SIRT1: variants seen among roughly 807,000 people sequenced by gnomAD.
The protein encoded by SIRT1 is sirtuin 1.
A neutral mutation model predicts 67.9 loss-of-function variants in SIRT1; 24 were observed. That is an observed-to-expected ratio of 0.35 (90% CI 0.26 to 0.50). SIRT1 has a LOEUF of 0.50. Ranked by LOEUF, SIRT1 falls within the 20% of genes least tolerant of loss-of-function variation. The pLI, the probability that SIRT1 is intolerant of heterozygous loss-of-function variation, is 0.98. For missense variants in SIRT1, 873 were observed against 937.2 expected (o/e 0.93, Z 0.89); for synonymous variants, 378 against 350.7 (o/e 1.08, Z -0.87).
intron 4 of SIRT1, among the ~76,000 whole-genome samples, chr10:67,900,905 T>C (rs1351430615): frequency 1.3e-5 from 2 of 152,226 alleles, no homozygotes; most frequent in Non-Finnish European, 2.9e-5. Context: ...CTTTCAAATT[T>C]TATTTTTATG....
chr10:67,903,708 G>A (rs1260977898), intron 4 of SIRT1, among the ~76,000 whole-genome samples: 2 of 152,156 alleles, frequency 1.3e-5, no homozygotes, highest in Non-Finnish European at 2.9e-5. Context: ...ATAGTTCTAA[G>A]CTTTAGTTTT....
chr10:67,916,555 G>A lies in SIRT1; in HGVS notation c.2206G>A (p.Glu736Lys), dbSNP rs1564896279. 6.2e-7 allele frequency: 1 copy of A among 1,613,910 alleles called. No homozygotes were observed. The highest frequency in any genetic ancestry group is 1.7e-5 in the Admixed American group (1 of 60,006). Residue 736 changes from glutamate to lysine, a missense_variant, in exon 9 of 9, where the codon GAA (glutamate) becomes AAA (lysine). Glu to Lys is a moderately conservative substitution (Grantham distance 56, BLOSUM62 1). Around this residue, in one of 3 missense-constraint regions of SIRT1, gnomAD observed 295 missense variants for 294.5 expected, o/e 1.00. Coordinates refer to ENST00000212015, the MANE Select transcript of SIRT1 (RefSeq NM_012238.5). ...AINEAISVKQ[E>K]VTDMNYPSNK... ...TAATGAAGCTATATCTGTGAAACAG[G>A]AAGTAACAGACATGAACTATCCATC...
At chr10:67,908,791 G>C (rs1001468335) in intron 6 of SIRT1, among the ~76,000 whole-genome samples, 1 of 152,116 alleles carries the variant, frequency 6.6e-6, no homozygotes, top group Non-Finnish European at 1.5e-5. Context: ...AATCTCAGCT[G>C]CTTGGGAGGC....
intron 4 of SIRT1, among the ~76,000 whole-genome samples, chr10:67,897,397 C>G (rs1842675228): frequency 6.6e-6 from 1 of 151,382 alleles, no homozygotes; most frequent in South Asian, 2.1e-4. Flanking sequence ...CAAGCAATCT[C>G]CTGCCTTAGC....
chr10:67,906,199 C>A (rs756328442), intron 4 of SIRT1: 87 of 1,447,136 alleles, frequency 6.0e-5, no homozygotes, highest in Admixed American at 1.9e-4. Context: ...GGGGGAAAAA[C>A]ACACACACAA....
rs1471141881 is a variant in SIRT1 at position 67,889,100 on chromosome 10, A to G, written c.766A>G (p.Ile256Val). 1 of 1,603,362 alleles carries G rather than the reference A, an allele frequency of 6.2e-7. No individual in the cohort carries two copies. Among genetic ancestry groups the G allele is most frequent in the East Asian group, 2.2e-5 (1 of 44,842 alleles). The change falls in exon 3 of 9, where the codon ATT becomes GTT. Residue 256 changes from isoleucine (I) to valine (V), a missense_variant. Ile to Val is a conservative substitution (Grantham distance 29, BLOSUM62 3). Around this residue, in one of 3 missense-constraint regions of SIRT1, gnomAD observed 251 missense variants for 358.8 expected, o/e 0.70. Transcript: ENST00000212015. ...GAAATTACTGCAAGAGTGCAAAAAAATTATAGTTCTAACTGGAGCTGGGGT... is the reference window on the plus strand; with the variant it reads ...GAAATTACTGCAAGAGTGCAAAAAAGTTATAGTTCTAACTGGAGCTGGGGT... The part of the protein sequence containing the change: ...AVKLLQECKK[I>V]IVLTGAGVSV...
chr10:67,911,190 A>G (rs1842893851), intron 7 of SIRT1, among the ~76,000 whole-genome samples: 1 of 152,152 alleles, frequency 6.6e-6, no homozygotes, highest in Admixed American at 6.5e-5. Context: ...ACTCTGCTTA[A>G]AAGCTTTTCT....
At chr10:67,891,655 G>A (rs2131852896) in intron 4 of SIRT1, 101 bp downstream of exon 4, 1 of 1,171,096 alleles carries the variant, frequency 8.5e-7, no homozygotes, top group South Asian at 1.5e-5. Flanking sequence ...GTTTAGTAAA[G>A]TGAATGCTGC....
At position 67,906,807 on chromosome 10, in the gene SIRT1, A is replaced by G. The variant is rs368608253; in HGVS notation, c.960A>G (p.Gln320=). ...FKFAKEIYPG[Q]FQPSLCHKFI... is the part of the protein sequence containing the mutation. ...TGATACAGGAAATATATCCTGGACA[A>G]TTCCAGCCATCTCTCTGTCACAAAT... Residue 320 remains glutamine (Q), a synonymous_variant, in exon 5 of 9, where the codon CAA becomes CAG. Transcript: ENST00000212015. The G allele has an allele frequency of 7.4e-6, 12 of 1,612,572 alleles. No homozygotes were observed. The highest frequency in any genetic ancestry group is 5.3e-5 in the African/African-American group (4 of 74,830).
At chr10:67,899,334 T>C in intron 4 of SIRT1, among the ~76,000 whole-genome samples, 1 of 150,642 alleles carries the variant, frequency 6.6e-6, no homozygotes, top group Non-Finnish European at 1.5e-5. Context: ...ATATATATAA[T>C]TATATATATA....
In SIRT1 at chr10:67,915,197, C is replaced by T. The variant is rs952371320; in HGVS notation, c.1916-1068C>T. 3.9e-5 allele frequency among the ~76,000 whole-genome samples: 6 copies of T among 152,044 alleles called. 1 individual carries two copies. The highest frequency in any genetic ancestry group is 2.6e-4 in the Admixed American group (4 of 15,246). On this transcript the variant is annotated intron_variant, in intron 8 of 8. Coordinates refer to ENST00000212015, the MANE Select transcript of SIRT1 (RefSeq NM_012238.5). ...GGTCATGATGCAGTATGAAAAAGTT[C>T]GAGAGCCACTTTGGAGAGAACTTGA...
intron 4 of SIRT1, among the ~76,000 whole-genome samples, chr10:67,905,863 A>G (rs1175688119): frequency 6.6e-6 from 1 of 152,162 alleles, no homozygotes; most frequent in East Asian, 1.9e-4. Flanking sequence ...TAATGGCTAC[A>G]TATTCCACTA....
chr10:67,888,801 GCTAA>G lies in SIRT1; in HGVS notation c.548-78_548-75del. 3.4e-6 allele frequency: 5 copies of G among 1,480,738 alleles called. No individual in the cohort carries two copies. In the South Asian group the frequency reaches 6.9e-5, roughly 20 times the overall value. 91.7% of individuals were successfully genotyped at this position (1,480,738 alleles called of 1,614,324 possible). The stretch of plus-strand genomic sequence containing the variant: ...ACTTTGCAAAAAACCCTCACAGAAT[GCTAA>G]CTCATTACTTCAGAAAATAAATGAG... On this transcript the variant is annotated intron_variant, in intron 2 of 8. Coordinates refer to ENST00000212015, the MANE Select transcript of SIRT1 (RefSeq NM_012238.5).
intron 1 of SIRT1, 141 bp downstream of exon 1, chr10:67,885,292 C>A: frequency 3.2e-6 from 4 of 1,241,930 alleles, no homozygotes; most frequent in Non-Finnish European, 4.0e-6. Flanking sequence ...TCCGTTCAGC[C>A]GCGCTCCTCC....
intron 1 of SIRT1, 141 bp downstream of exon 1, chr10:67,885,292 C>T: frequency 8.1e-7 from 1 of 1,241,928 alleles, no homozygotes; most frequent in Non-Finnish European, 1.0e-6. Context: ...TCCGTTCAGC[C>T]GCGCTCCTCC....
At chr10:67,907,056 ATT>A in intron 5 of SIRT1, 119 bp downstream of exon 5, 4 of 885,912 alleles carry the variant, frequency 4.5e-6, no homozygotes, top group Non-Finnish European at 6.4e-6. Flanking sequence ...ATGTTATCTC[ATT>A]TATCGATAAC....
At chr10:67,910,545 G>A (rs542682957) in intron 7 of SIRT1, among the ~76,000 whole-genome samples, 1 of 152,058 alleles carries the variant, frequency 6.6e-6, no homozygotes, top group African/African-American at 2.4e-5. Flanking sequence ...TATATTTTTT[G>A]ATTACAGTTT....
intron 3 of SIRT1, among the ~76,000 whole-genome samples, chr10:67,890,296 CGCCTGCCTTG>C (rs1435900334): frequency 1.3e-5 from 2 of 152,082 alleles, no homozygotes; most frequent in Non-Finnish European, 2.9e-5. Flanking sequence ...CCTTGTGATC[CGCCTGCCTTG>C]GCCTCCCAAA....
rs1156494499 is a variant in SIRT1, at chr10:67,916,678, A to AT, written c.*86dup. The AT allele has an allele frequency of 2.8e-5, 32 of 1,125,736 alleles. No homozygotes were observed. The highest frequency in any genetic ancestry group is 3.7e-5 in the Non-Finnish European group (30 of 802,122). 69.7% of individuals were successfully genotyped at this position (1,125,736 alleles called of 1,614,324 possible). On this transcript the variant is annotated 3_prime_UTR_variant, in exon 9 of 9. Coordinates refer to ENST00000212015, the MANE Select transcript of SIRT1 (RefSeq NM_012238.5). Reference sequence around the variant, plus strand: ...AAATGAATGTTTACTTGTGAACTCGATAGAGCAAGGAAACCAGAAAGGTGT... The same window carrying AT: ...AAATGAATGTTTACTTGTGAACTCGATTAGAGCAAGGAAACCAGAAAGGTGT...
Sources: gnomAD v4.1 joint callset for allele counts (sites outside exome capture counted in the v4.1 genomes callset) on GRCh38, gnomAD v4.1.1 for gene constraint, gnomAD v4.1.1 regional missense constraint, MANE v1.5 for transcripts, NCBI Gene and HGNC (gene_info 2026-07-23, HGNC 2026-07-21) for gene names.